The following RANBP17 variants were observed in gnomAD, a reference collection of about 807,000 sequenced individuals.
RANBP17 encodes the protein ran-binding protein 17.
RANBP17 carries 158 observed loss-of-function variants against 141.2 expected under a neutral mutation model. That is an observed-to-expected ratio of 1.12 (90% confidence interval 0.98 to 1.28). The LOEUF is 1.28. Among genes scored for constraint, RANBP17 ranks in the 50% most tolerant of loss-of-function variants. The pLI, the probability that RANBP17 is intolerant of heterozygous loss-of-function variation, is 0.00. For synonymous variants in RANBP17, 430 were observed against 450.0 expected (o/e 0.96, Z 0.56); for missense variants, 1,438 against 1,290.7 (o/e 1.11, Z -1.75).
chr5:170,914,263 T>A, intron 8 of RANBP17, 23 bp downstream of exon 8: 1 of 1,497,354 alleles, frequency 6.7e-7, no homozygotes, highest in Non-Finnish European at 9.3e-7. Context: ...CATTCGTTAT[T>A]TCGTTAAAAA....
chr5:171,159,652 T>G (rs1759177396), intron 14 of RANBP17, among the ~76,000 whole-genome samples: 1 of 152,146 alleles, frequency 6.6e-6, no homozygotes, highest in African/African-American at 2.4e-5. Context: ...CCGGGCACAG[T>G]GGCTCACGCC....
At chr5:171,121,558 G>C (rs1279808387) in intron 14 of RANBP17, among the ~76,000 whole-genome samples, 1 of 152,180 alleles carries the variant, frequency 6.6e-6, no homozygotes, top group East Asian at 1.9e-4. Context: ...TCAGAGGCTT[G>C]AGATCTCCCA....
At chr5:171,196,035 G>A (rs1761959117) in intron 18 of RANBP17, among the ~76,000 whole-genome samples, 1 of 152,182 alleles carries the variant, frequency 6.6e-6, no homozygotes, top group East Asian at 1.9e-4. Context: ...GATACTCTGT[G>A]ATGGAAATAG....
chr5:170,971,283 A>C (rs1216216382), intron 14 of RANBP17, among the ~76,000 whole-genome samples: 1 of 152,242 alleles, frequency 6.6e-6, no homozygotes, highest in East Asian at 1.9e-4. Flanking sequence ...TGTAAATAGT[A>C]GCCATAGGCA....
intron 24 of RANBP17, among the ~76,000 whole-genome samples, chr5:171,250,768 G>A (rs1410116853): frequency 1.3e-5 from 2 of 152,110 alleles, no homozygotes; most frequent in Non-Finnish European, 2.9e-5. Flanking sequence ...TAATGATAAA[G>A]GGATCAATCC....
Position 171,298,750 on chromosome 5 carries a change from C to T in RANBP17, c.3171-12C>T. 6.2e-7 allele frequency: 1 copy of T among 1,609,522 alleles called. No homozygotes were observed. Among genetic ancestry groups the T allele is most frequent in the Non-Finnish European group, 8.5e-7 (1 of 1,175,900 alleles). ...CATTACTACCCTTGACCCTTTCTTC[C>T]TCTTTCTGCAGGTTCACCCAAAATC... On this transcript the variant is annotated splice_polypyrimidine_tract_variant and intron_variant, in intron 27 of 27. Coordinates refer to ENST00000523189, the MANE Select transcript of RANBP17 (RefSeq NM_022897.5).
chr5:171,134,212 G>A (rs943406853), intron 14 of RANBP17, among the ~76,000 whole-genome samples: 1 of 152,158 alleles, frequency 6.6e-6, no homozygotes, highest in African/African-American at 2.4e-5. Context: ...GTGTAGAAAT[G>A]CCTTCCATGA....
At chr5:171,270,822 G>T (rs1331564036) in intron 25 of RANBP17, among the ~76,000 whole-genome samples, 1 of 152,078 alleles carries the variant, frequency 6.6e-6, no homozygotes, top group Non-Finnish European at 1.5e-5. Context: ...TCTAGAAAGA[G>T]TAACACCTTC....
At chr5:171,017,614 T>G (rs1227001716) in intron 14 of RANBP17, among the ~76,000 whole-genome samples, 1 of 152,220 alleles carries the variant, frequency 6.6e-6, no homozygotes, top group African/African-American at 2.4e-5. Context: ...TGTTGTTTTC[T>G]TGTAAATTTG....
intron 20 of RANBP17, among the ~76,000 whole-genome samples, chr5:171,213,240 TA>T: frequency 6.6e-6 from 1 of 151,116 alleles, no homozygotes; most frequent in East Asian, 1.9e-4. Flanking sequence ...AAGAAACTGA[TA>T]ATAATAACTC....
At chr5:171,033,576 T>C (rs1028914687) in intron 14 of RANBP17, among the ~76,000 whole-genome samples, 1 of 152,162 alleles carries the variant, frequency 6.6e-6, no homozygotes, top group Non-Finnish European at 1.5e-5. Context: ...TTTATAATCA[T>C]GAACATATGC....
intron 11 of RANBP17, among the ~76,000 whole-genome samples, 189 bp from the exon 12 acceptor site, chr5:170,924,168 T>C (rs1413907650): frequency 1.3e-5 from 2 of 152,034 alleles, no homozygotes; most frequent in African/African-American, 2.4e-5. Flanking sequence ...CAGCTAACTT[T>C]TGTATTTTTA....
chr5:171,078,788 T>A (rs1785092923), intron 14 of RANBP17, among the ~76,000 whole-genome samples: 1 of 152,222 alleles, frequency 6.6e-6, no homozygotes, highest in Admixed American at 6.5e-5. Context: ...AAAAGATTAA[T>A]TTTCAAAAGA....
intron 1 of RANBP17, among the ~76,000 whole-genome samples, chr5:170,876,011 T>G (rs2127343657): frequency 6.6e-6 from 1 of 152,338 alleles, no homozygotes; most frequent in East Asian, 1.9e-4. Context: ...TCTGTGGGGC[T>G]GCTGTGGTTT....
intron 22 of RANBP17, among the ~76,000 whole-genome samples, chr5:171,223,341 C>A (rs962887535): frequency 1.3e-5 from 2 of 152,080 alleles, no homozygotes; most frequent in Admixed American, 1.3e-4. Context: ...ACATTAAAAT[C>A]ATATAAAGTG....
In RANBP17 at chr5:170,955,656, A is replaced by ATATATATATATATGCTCAGTG. The variant is rs1775623970; in HGVS notation, c.1574+1967_1574+1968insGCTCAGTGTATATATATATAT. ...ATATATATATGCTCAGTGTATATAT[A>ATATATATATATATGCTCAGTG]TATATATATATATATATATATATAT... On this transcript the variant is annotated intron_variant, in intron 13 of 27. Transcript: ENST00000523189. Among the ~76,000 whole-genome samples the ATATATATATATATGCTCAGTG allele has an allele frequency of 3.0e-4, 13 of 43,340 alleles. No homozygotes were observed. In the East Asian group the frequency reaches 7.2e-3, roughly 24 times the overall value. The allele number at this position is 43,340 out of a possible 152,430, so 28.4% of individuals were successfully genotyped here.
At chr5:171,155,216 G>C (rs1241191892) in intron 14 of RANBP17, among the ~76,000 whole-genome samples, 1 of 149,482 alleles carries the variant, frequency 6.7e-6, no homozygotes, top group African/African-American at 2.5e-5. Flanking sequence ...TCTTAGCGAT[G>C]CAAGAGGGAG....
At chr5:171,147,160 C>T (rs1444882075) in intron 14 of RANBP17, among the ~76,000 whole-genome samples, 1 of 151,854 alleles carries the variant, frequency 6.6e-6, no homozygotes, top group Non-Finnish European at 1.5e-5. Context: ...AAGACAGCCC[C>T]ACAACAAAGA....
intron 14 of RANBP17, among the ~76,000 whole-genome samples, chr5:170,993,898 G>T (rs139710443): frequency 2.9e-4 from 44 of 152,002 alleles, no homozygotes; most frequent in African/African-American, 1.0e-3. Context: ...TTTTAAAAAA[G>T]GATTTTTTTT....
Sources: gnomAD v4.1 joint callset for allele counts (sites outside exome capture counted in the v4.1 genomes callset) on GRCh38, gnomAD v4.1.1 for gene constraint, MANE v1.5 for transcripts, NCBI Gene and HGNC (gene_info 2026-07-23, HGNC 2026-07-21) for gene names.